The following TRERF1 variants were observed in gnomAD, a reference collection of about 807,000 sequenced individuals.
TRERF1 encodes transcriptional-regulating factor 1.
Under a neutral mutation model 122.9 loss-of-function variants are expected in TRERF1, and 27 were observed. The ratio of observed to expected loss-of-function variants is 0.22; its 90% CI spans 0.16 to 0.30. TRERF1 has a LOEUF of 0.30. Among genes scored for constraint, TRERF1 ranks in the 10% least tolerant of loss-of-function variants. The pLI, the probability that TRERF1 is intolerant of heterozygous loss-of-function variation, is 1.00. For synonymous variants in TRERF1, 636 were observed against 641.7 expected, an observed-to-expected ratio of 0.99 and a Z score of 0.13; for missense variants, 1,248 against 1,560.3, an observed-to-expected ratio of 0.80 and a Z score of 3.37.
intron 8 of TRERF1, among the ~76,000 whole-genome samples, chr6:42,261,321 C>A (rs1777831354): frequency 6.6e-6 from 1 of 152,166 alleles, no homozygotes; most frequent in Non-Finnish European, 1.5e-5. Flanking sequence ...CTTTTGGGCT[C>A]CCTCTCCTCC....
chr6:42,230,368 AAAC>A (rs1482044822), intron 17 of TRERF1, among the ~76,000 whole-genome samples: 4 of 152,214 alleles, frequency 2.6e-5, no homozygotes, highest in African/African-American at 9.6e-5. Flanking sequence ...CCAAAAAAAA[AAAC>A]ATTTAATAGA....
At chr6:42,400,320 G>A (rs920785011) in intron 2 of TRERF1, among the ~76,000 whole-genome samples, 5 of 152,192 alleles carry the variant, frequency 3.3e-5, no homozygotes, top group African/African-American at 7.2e-5. Flanking sequence ...TGACAGCTGC[G>A]CAGCCCAGCA....
intron 3 of TRERF1, among the ~76,000 whole-genome samples, chr6:42,355,691 A>G (rs1160734196): frequency 6.6e-6 from 1 of 152,198 alleles, no homozygotes; most frequent in Non-Finnish European, 1.5e-5. Flanking sequence ...ACAGGGGTGT[A>G]TGAGTGTGTG....
intron 3 of TRERF1, among the ~76,000 whole-genome samples, chr6:42,357,701 G>T (rs545794091): frequency 6.6e-6 from 1 of 152,286 alleles, no homozygotes; most frequent in East Asian, 1.9e-4. Flanking sequence ...CAGTCTTTCT[G>T]TCCCAGTCAA....
At position 42,287,148 on chromosome 6, in the gene TRERF1, G is replaced by T. The variant is rs1266663250; in HGVS notation, c.-259+13490C>A. Among the ~76,000 whole-genome samples, 101 of 116,330 alleles carry T rather than the reference G, an allele frequency of 8.7e-4. 1 individual carries two copies. The highest frequency in any genetic ancestry group is 3.1e-3 in the African/African-American group (97 of 30,862). The allele number at this position is 116,330 out of a possible 152,430, so 76.3% of individuals were successfully genotyped here. A position where few individuals can be genotyped will look rare whatever the true frequency, so the allele number is the denominator to read the frequency against. ...CACACTCTGGGGACTGTTGTGGGGT[G>T]GGGGGAGGGGGGAGGGATAGCATCG... On this transcript the variant is annotated intron_variant, in intron 4 of 17. Coordinates refer to ENST00000372922, the Ensembl canonical transcript of TRERF1.
At chr6:42,272,360 A>G (rs114759281) in intron 4 of TRERF1, among the ~76,000 whole-genome samples, 1 of 152,016 alleles carries the variant, frequency 6.6e-6, no homozygotes, top group African/African-American at 2.4e-5. Context: ...CCGTGGGTGG[A>G]AGGGGAGGGT....
At chr6:42,436,036 C>T (rs981221652) in intron 2 of TRERF1, among the ~76,000 whole-genome samples, 8 of 151,898 alleles carry the variant, frequency 5.3e-5, no homozygotes, top group Admixed American at 5.2e-4. Context: ...ACACAGTAGG[C>T]ACTCCATAAA....
chr6:42,375,712 G>C (rs1239501507), intron 2 of TRERF1, among the ~76,000 whole-genome samples: 1 of 152,136 alleles, frequency 6.6e-6, no homozygotes, highest in East Asian at 1.9e-4. Flanking sequence ...GAACTAAACT[G>C]GTCTTGAAGA....
chr6:42,261,606 G>T (rs554091362), intron 8 of TRERF1, among the ~76,000 whole-genome samples: 16 of 152,076 alleles, frequency 1.1e-4, no homozygotes, highest in Non-Finnish European at 2.1e-4. Flanking sequence ...GGCTGTGAGT[G>T]GGGGGCAGGT....
chr6:42,430,299 T>G (rs1304303655), intron 2 of TRERF1, among the ~76,000 whole-genome samples: 1 of 152,110 alleles, frequency 6.6e-6, no homozygotes, highest in Non-Finnish European at 1.5e-5. Flanking sequence ...AGACTTCTGG[T>G]GATGAGTTAT....
chr6:42,291,695 G>A (rs1055103396), intron 4 of TRERF1, among the ~76,000 whole-genome samples: 168 of 151,656 alleles, frequency 1.1e-3, no homozygotes, highest in African/African-American at 3.7e-3. Context: ...CACCACGCCC[G>A]GCTGTTTTTT....
At chr6:42,364,610 A>G (rs1772376998) in intron 2 of TRERF1, among the ~76,000 whole-genome samples, 1 of 152,222 alleles carries the variant, frequency 6.6e-6, no homozygotes, top group Non-Finnish European at 1.5e-5. Context: ...GCCCAGACAG[A>G]TAAGGACTGA....
intron 4 of TRERF1, 94 bp downstream of exon 4, chr6:42,300,544 C>T (rs1195010705): frequency 6.6e-6 from 1 of 152,658 alleles, no homozygotes; most frequent in African/African-American, 2.4e-5. Flanking sequence ...CCTCATTCTT[C>T]TAGCACATAG....
chr6:42,437,040 T>C (rs2151735777), intron 2 of TRERF1, among the ~76,000 whole-genome samples: 1 of 152,144 alleles, frequency 6.6e-6, no homozygotes, highest in South Asian at 2.1e-4. Context: ...ATTCCATAAA[T>C]ACGTCATCAT....
At chr6:42,430,950 C>A (rs1374883493) in intron 2 of TRERF1, among the ~76,000 whole-genome samples, 1 of 145,622 alleles carries the variant, frequency 6.9e-6, no homozygotes, top group Non-Finnish European at 1.5e-5. Flanking sequence ...ATCCCAGCTA[C>A]TCGGGAGGCT....
intron 2 of TRERF1, among the ~76,000 whole-genome samples, chr6:42,441,643 T>A (rs1786536774): frequency 6.7e-6 from 1 of 149,744 alleles, no homozygotes; most frequent in Admixed American, 6.7e-5. Context: ...TAAGAACCAA[T>A]GGCGAGAAAA....
At position 42,269,512 on chromosome 6, in the gene TRERF1, C is replaced by CA; in HGVS notation, c.78dup (p.Gly27TrpfsTer89). On this transcript the variant is annotated frameshift_variant, in exon 5 of 18. Coordinates refer to ENST00000372922, the Ensembl canonical transcript of TRERF1. LOFTEE classifies it high-confidence loss of function. This position sits in a 1 kb window ranked among gnomAD's most constrained non-coding sequence, Gnocchi z 4.9. ...TTGTGGTTCAGCCCGCTGTGGACGC[C>CA]AAGTGGTGGCTGTTGGTAGAAAAGG... is the stretch of plus-strand genomic sequence containing the variant. 6.2e-7 allele frequency: 1 copy of CA among 1,614,168 alleles called. No homozygotes were observed. The highest frequency in any genetic ancestry group is 8.5e-7 in the Non-Finnish European group (1 of 1,180,036).
chr6:42,404,495 A>C (rs1582031645), intron 2 of TRERF1, among the ~76,000 whole-genome samples: 1 of 148,436 alleles, frequency 6.7e-6, no homozygotes, highest in African/African-American at 2.5e-5. Flanking sequence ...CCCTACCCCC[A>C]CCCCAATCCA....
At chr6:42,406,408 T>C (rs1780183977) in intron 2 of TRERF1, among the ~76,000 whole-genome samples, 1 of 152,150 alleles carries the variant, frequency 6.6e-6, no homozygotes, top group Admixed American at 6.5e-5. Context: ...TGAAAGGGCA[T>C]TGGTACAGAG....
Sources: gnomAD v4.1 joint callset for allele counts (sites outside exome capture counted in the v4.1 genomes callset) on GRCh38, gnomAD v4.1.1 for gene constraint, Gnocchi (gnomAD v3.1) non-coding constraint, MANE v1.5 for transcripts, NCBI Gene and HGNC (gene_info 2026-07-23, HGNC 2026-07-21) for gene names.